Variants in DNAL1 observed in about 807,000 individuals in gnomAD.
DNAL1 encodes chromosome 14 open reading frame 168.
DNAL1 carries 17 observed loss-of-function variants against 29.4 expected under a neutral mutation model. The observed-to-expected ratio is 0.58, with a 90% CI of 0.40 to 0.87. The LOEUF is 0.87. Ranked by LOEUF, DNAL1 falls within the 40% of genes least tolerant of loss-of-function variation. The probability of loss-of-function intolerance (pLI) is 0.00; values close to 1 mark genes in which losing one functional copy is unlikely to be tolerated. For synonymous variants in DNAL1, 78 were observed against 76.3 expected (o/e 1.02, Z -0.12); for missense variants, 188 against 214.1 (o/e 0.88, Z 0.76).
chr14:73,658,612 T>C (rs1018558690), intron 2 of DNAL1, among the ~76,000 whole-genome samples: 1 of 152,222 alleles, frequency 6.6e-6, no homozygotes, highest in African/African-American at 2.4e-5. Context: ...TATTTTCTCC[T>C]CATTTTCATT....
At chr14:73,670,491 C>T (rs1330771087) in intron 4 of DNAL1, among the ~76,000 whole-genome samples, 1 of 152,018 alleles carries the variant, frequency 6.6e-6, no homozygotes, top group African/African-American at 2.4e-5. Flanking sequence ...AATGAGGTTT[C>T]CTGGGTGTTT....
At chr14:73,674,888 G>A (rs1231628444) in intron 5 of DNAL1, among the ~76,000 whole-genome samples, 1 of 151,630 alleles carries the variant, frequency 6.6e-6, no homozygotes, top group Admixed American at 6.6e-5. Context: ...GTCTCACTGT[G>A]TCGCCCAGGC....
In DNAL1 at chr14:73,674,272, G is replaced by A. The variant is rs138275350; in HGVS notation, c.264+2675G>A. On this transcript the variant is annotated intron_variant, in intron 5 of 7. Transcript: ENST00000553645. Reference sequence around the variant, plus strand: ...CACCTGAGAATCTTTATACTTGGCTGTTCCCTCTGTCTTAAAAACTCTATT... The same window carrying A: ...CACCTGAGAATCTTTATACTTGGCTATTCCCTCTGTCTTAAAAACTCTATT... 6.0e-4 allele frequency among the ~76,000 whole-genome samples: 91 copies of A among 152,218 alleles called. 1 individual carries two copies. The highest frequency in any genetic ancestry group is 2.0e-3 in the African/African-American group (85 of 41,522).
intron 3 of DNAL1, among the ~76,000 whole-genome samples, chr14:73,659,879 T>C (rs1428614791): frequency 6.6e-6 from 1 of 152,234 alleles, no homozygotes; most frequent in Non-Finnish European, 1.5e-5. Flanking sequence ...GAACCAGTGC[T>C]AGCATTTTTG....
intron 5 of DNAL1, among the ~76,000 whole-genome samples, chr14:73,672,759 A>AT (rs376650794): frequency 0.2 from 28,549 of 141,932 alleles, 3,510 homozygotes; most frequent in Non-Finnish European, 0.29. Flanking sequence ...TAAAAATTTG[A>AT]TTTTTTTTTT....
chr14:73,693,316 C>T (rs1892220977), intron 7 of DNAL1, among the ~76,000 whole-genome samples: 1 of 152,160 alleles, frequency 6.6e-6, no homozygotes, highest in Non-Finnish European at 1.5e-5. Context: ...CAATTTCCCT[C>T]CTAACTACAT....
rs1292745600 is a variant in DNAL1, at chr14:73,687,299, A to C, written c.305A>C (p.Tyr102Ser). 6.2e-7 allele frequency: 1 copy of C among 1,613,330 alleles called. No homozygotes were observed. Among genetic ancestry groups the C allele is most frequent in the African/African-American group, 1.3e-5 (1 of 74,920 alleles). The change falls in exon 6 of 8, where the codon TAC becomes TCC. Residue 102 changes from tyrosine (Y) to serine (S), a missense_variant. Tyr to Ser is a moderately radical substitution (Grantham distance 144). Transcript: ENST00000553645. Reference protein sequence around the residue: ...GDTLEELWISYNFIEKLKGIH... With the variant: ...GDTLEELWISSNFIEKLKGIH... The stretch of plus-strand genomic sequence containing the variant: ...ACATTAGAAGAACTGTGGATCTCCT[A>C]CAATTTTATTGAGAAGTTGAAAGGG...
chr14:73,650,838 T>C (rs1891097327), intron 1 of DNAL1, among the ~76,000 whole-genome samples: 1 of 152,134 alleles, frequency 6.6e-6, no homozygotes, highest in Admixed American at 6.6e-5. Flanking sequence ...AGCTGGGGTC[T>C]TACTATATTG....
At chr14:73,671,186 A>G (rs1236008184) in intron 4 of DNAL1, among the ~76,000 whole-genome samples, 1 of 152,146 alleles carries the variant, frequency 6.6e-6, no homozygotes, top group Admixed American at 6.6e-5. Context: ...ATTTTCTAGT[A>G]TGAGTTCTTG....
rs1267096759 is a variant in DNAL1 at position 73,700,591 on chromosome 14, A to G, written c.*4649A>G. On this transcript the variant is annotated 3_prime_UTR_variant, in exon 8 of 8. Coordinates refer to ENST00000553645, the MANE Select transcript of DNAL1 (RefSeq NM_031427.4). ...GGGCCCAGAAAGGTTGGAGTTAATCATTCACTTAAAAGCATTAGGAGGAAG... is the reference window on the plus strand; with the variant it reads ...GGGCCCAGAAAGGTTGGAGTTAATCGTTCACTTAAAAGCATTAGGAGGAAG... 2.6e-5 allele frequency: 4 copies of G among 152,242 alleles called. No homozygotes were observed. Among genetic ancestry groups the G allele is most frequent in the African/African-American group, 4.8e-5 (2 of 41,466 alleles). 9.4% of individuals were successfully genotyped at this position (152,242 alleles called of 1,614,324 possible).
rs532154031 is a variant in DNAL1, at chr14:73,702,109, G to A, written c.*6167G>A. On this transcript the variant is annotated 3_prime_UTR_variant, in exon 8 of 8. Coordinates refer to ENST00000553645, the MANE Select transcript of DNAL1 (RefSeq NM_031427.4). ...TGTGTGTGTGTGTGTGTGTGTGCAC[G>A]TGCATGAGAGAGAGTGAAAGAGAGA... The A allele has an allele frequency of 2.0e-5, 3 of 149,142 alleles. No individual in the cohort carries two copies. Among genetic ancestry groups the A allele is most frequent in the East Asian group, 3.9e-4 (2 of 5,130 alleles). 9.2% of individuals were successfully genotyped at this position (149,142 alleles called of 1,614,324 possible). A position where few individuals can be genotyped will look rare whatever the true frequency, so the allele number is the denominator to read the frequency against.
chr14:73,675,981 T>C (rs1891722611), intron 5 of DNAL1, among the ~76,000 whole-genome samples: 1 of 151,938 alleles, frequency 6.6e-6, no homozygotes. Flanking sequence ...GCCATTGCAC[T>C]CCAGCCTGGG....
At chr14:73,689,312 G>A (rs2286766) in intron 6 of DNAL1, 63 bp from the exon 7 acceptor site, 32,730 of 1,539,914 alleles carry the variant, frequency 0.021, 791 homozygotes, top group South Asian at 0.11. Flanking sequence ...GATTACAGGC[G>A]TGGACCACCG....
At chr14:73,677,553 TA>T (rs2140048281) in intron 5 of DNAL1, among the ~76,000 whole-genome samples, 1 of 149,552 alleles carries the variant, frequency 6.7e-6, no homozygotes, top group African/African-American at 2.4e-5. Context: ...TATATTTATT[TA>T]TTTATTTATT....
chr14:73,700,602 A>T lies in DNAL1; in HGVS notation c.*4660A>T, dbSNP rs1892412817. On this transcript the variant is annotated 3_prime_UTR_variant, in exon 8 of 8. Transcript: ENST00000553645. ...GGTTGGAGTTAATCATTCACTTAAA[A>T]GCATTAGGAGGAAGTGTCAAAGCAT... The T allele has an allele frequency of 6.6e-6, 1 of 152,232 alleles. No homozygotes were observed. The highest frequency in any genetic ancestry group is 6.5e-5 in the Admixed American group (1 of 15,282). 9.4% of individuals were successfully genotyped at this position (152,232 alleles called of 1,614,324 possible). A position where few individuals can be genotyped will look rare whatever the true frequency, so the allele number is the denominator to read the frequency against.
intron 7 of DNAL1, among the ~76,000 whole-genome samples, chr14:73,692,835 G>A (rs2140064125): frequency 6.6e-6 from 1 of 151,120 alleles, no homozygotes; most frequent in African/African-American, 2.5e-5. Flanking sequence ...GCAAAACTGA[G>A]GGATCTTTTT....
At chr14:73,687,154 C>T (rs554965982) in intron 5 of DNAL1, 105 bp from the exon 6 acceptor site, 27 of 1,370,138 alleles carry the variant, frequency 2.0e-5, no homozygotes, top group Middle Eastern at 5.5e-4. Flanking sequence ...AGTAGACAGG[C>T]AGGGTCTAAG....
At chr14:73,690,130 A>G (rs541581786) in intron 7 of DNAL1, among the ~76,000 whole-genome samples, 29 of 152,212 alleles carry the variant, frequency 1.9e-4, no homozygotes, top group South Asian at 4.2e-4. Flanking sequence ...AAGCTATTCA[A>G]TGAGGCAAGA....
In DNAL1 at chr14:73,650,124, C is replaced by T. The variant is rs1192624692; in HGVS notation, c.4-4723C>T. 2.0e-5 allele frequency among the ~76,000 whole-genome samples: 3 copies of T among 152,064 alleles called. No individual in the cohort carries two copies. The East Asian group carries it at 5.8e-4, about 29-fold the overall frequency. On this transcript the variant is annotated intron_variant, in intron 1 of 7. Coordinates refer to ENST00000553645, the MANE Select transcript of DNAL1 (RefSeq NM_031427.4). ...TCAGCCTCCTGAGTACCTAGGACTA[C>T]AGGTACATGCCACCTTGCCTGGCTA...
Sources: gnomAD v4.1 joint callset for allele counts (sites outside exome capture counted in the v4.1 genomes callset) on GRCh38, gnomAD v4.1.1 for gene constraint, MANE v1.5 for transcripts, NCBI Gene and HGNC (gene_info 2026-07-23, HGNC 2026-07-21) for gene names.